Variants in DSCC1 observed in about 807,000 individuals in gnomAD.
The protein encoded by DSCC1 is DNA replication and sister chromatid cohesion 1.
In DSCC1, 32 loss-of-function variants were observed where a neutral mutation model predicts 48.2. The ratio of observed to expected loss-of-function variants is 0.66; its 90% confidence interval spans 0.50 to 0.89. DSCC1 has a LOEUF of 0.89. Among genes scored for constraint, DSCC1 ranks in the 40% least tolerant of loss-of-function variants. DSCC1 has a pLI of 0.00. For synonymous variants in DSCC1, 150 were observed against 171.5 expected (o/e 0.87, Z 0.98); for missense variants, 421 against 471.7 (o/e 0.89, Z 1.00).
intron 7 of DSCC1, among the ~76,000 whole-genome samples, chr8:119,840,900 A>G (rs1826758079): frequency 2.0e-5 from 3 of 151,904 alleles, no homozygotes; most frequent in Admixed American, 2.0e-4. Context: ...TGACAGAATG[A>G]GACTCAGTCT....
Position 119,847,001 on chromosome 8 carries a change from C to T in DSCC1, c.566G>A (p.Cys189Tyr), listed in dbSNP as rs768941541. ...GTAAGTAACGCTACCTCCAATCTTA[C>T]AGGCATTTAGAACTTGTAATTGGGT... ...IMTQLQVLNA[C>Y]KIGGYWRILE... The change falls in exon 4 of 9, where the codon TGT (cysteine) becomes TAT (tyrosine). Residue 189 changes from cysteine (C) to tyrosine (Y), a missense_variant. Physicochemically the swap from Cys to Tyr is radical, Grantham distance 194 (BLOSUM62 -2). Transcript: ENST00000313655. 21 of 1,613,738 alleles carry T rather than the reference C, an allele frequency of 1.3e-5. No individual in the cohort carries two copies. The highest frequency in any genetic ancestry group is 1.7e-5 in the Non-Finnish European group (20 of 1,179,952).
Position 119,838,266 on chromosome 8 carries a change from A to C in DSCC1, c.1066T>G (p.Tyr356Asp). 6.3e-7 allele frequency: 1 copy of C among 1,582,340 alleles called. No homozygotes were observed. Among genetic ancestry groups the C allele is most frequent in the Non-Finnish European group, 8.6e-7 (1 of 1,168,942 alleles). The change falls in exon 8 of 9, where the codon TAT (tyrosine) becomes GAT (aspartate). Residue 356 changes from tyrosine to aspartate, a missense_variant. Around this residue, in one of 3 missense-constraint regions of DSCC1, gnomAD observed 238 missense variants for 259.0 expected, o/e 0.92. Transcript: ENST00000313655. ...CTTTAATAAATTACTTACTGAATAT[A>C]TGGAGCAATATCTTCTTCTGTCCAC... ...EKWTEEDIAPYIQDLCGEKQT... is the reference protein window; with the variant it reads ...EKWTEEDIAPDIQDLCGEKQT...
Position 119,841,979 on chromosome 8 carries a change from TATC to T in DSCC1, c.770-34_770-32del, listed in dbSNP as rs1017086905. On this transcript the variant is annotated intron_variant, in intron 6 of 8. Transcript: ENST00000313655. Reference sequence around the variant, plus strand: ...GAAAAGTTATCAGATATTTTCATATTATCATCTTACAATTAAATATTATACTAA... The same window carrying T: ...GAAAAGTTATCAGATATTTTCATATTATCTTACAATTAAATATTATACTAA... 21 of 1,601,768 alleles carry T rather than the reference TATC, an allele frequency of 1.3e-5. No individual in the cohort carries two copies. The East Asian group carries it at 3.6e-4, about 27-fold the overall frequency.
chr8:119,845,180 G>A (rs1267808685), intron 4 of DSCC1, among the ~76,000 whole-genome samples: 1 of 151,744 alleles, frequency 6.6e-6, no homozygotes, highest in South Asian at 2.1e-4. Context: ...CCACCTCCCG[G>A]GTTCAAATGA....
intron 2 of DSCC1, 134 bp from the exon 3 acceptor site, chr8:119,850,650 G>T: frequency 2.7e-6 from 2 of 737,054 alleles, no homozygotes; most frequent in Non-Finnish European, 2.0e-6. Context: ...TATCAGGAAG[G>T]TATTTATCCA....
At chr8:119,854,731 A>G (rs547625584) in intron 1 of DSCC1, among the ~76,000 whole-genome samples, 3 of 152,222 alleles carry the variant, frequency 2.0e-5, no homozygotes, top group South Asian at 4.1e-4. Context: ...TCCTTTCTCA[A>G]CTCTCCACCA....
Position 119,855,852 on chromosome 8 carries a change from A to C in DSCC1, c.-57T>G. The C allele has an allele frequency of 7.1e-7, 1 of 1,407,252 alleles. No homozygotes were observed. The highest frequency in any genetic ancestry group is 9.3e-7 in the Non-Finnish European group (1 of 1,080,076). 87.2% of individuals were successfully genotyped at this position (1,407,252 alleles called of 1,614,324 possible). ...CCGGGTGGCTGCGGGCTTGGCGGGC[A>C]AGAAAGAAGTTCCCAAGCAGCCGGA... On this transcript the variant is annotated 5_prime_UTR_variant, in exon 1 of 9. Transcript: ENST00000313655.
intron 5 of DSCC1, 73 bp from the exon 6 acceptor site, chr8:119,842,901 C>T (rs1409429650): frequency 1.6e-6 from 2 of 1,244,124 alleles, no homozygotes; most frequent in African/African-American, 3.1e-5. Context: ...CCATTGCCAA[C>T]TCAAAATTAA....
At chr8:119,841,626 C>A (rs1231806771) in intron 7 of DSCC1, among the ~76,000 whole-genome samples, 168 bp downstream of exon 7, 3 of 151,890 alleles carry the variant, frequency 2.0e-5, no homozygotes, top group East Asian at 1.9e-4. Context: ...AAATTATACC[C>A]CAATACTTTA....
chr8:119,835,363 C>T (rs1482801848), intron 8 of DSCC1, among the ~76,000 whole-genome samples: 3 of 151,798 alleles, frequency 2.0e-5, no homozygotes, highest in Admixed American at 6.6e-5. Flanking sequence ...AAAAATTAGC[C>T]GGGTGTGGTG....
rs1826649584 is a variant in DSCC1, at chr8:119,834,746, C to A, written c.*147G>T. 2 of 648,628 alleles carry A rather than the reference C, an allele frequency of 3.1e-6. No individual in the cohort carries two copies. Among genetic ancestry groups the A allele is most frequent in the Non-Finnish European group, 5.5e-6 (2 of 361,936 alleles). 40.2% of individuals were successfully genotyped at this position (648,628 alleles called of 1,614,324 possible). On this transcript the variant is annotated 3_prime_UTR_variant, in exon 9 of 9. Transcript: ENST00000313655. Reference sequence around the variant, plus strand: ...ACATCCTATAACATTTAAGAAATAACAGTAGTTTCAAAATGCTTAAGATGA... The same window carrying A: ...ACATCCTATAACATTTAAGAAATAAAAGTAGTTTCAAAATGCTTAAGATGA...
chr8:119,842,088 T>C, intron 6 of DSCC1, 140 bp from the exon 7 acceptor site: 1 of 995,706 alleles, frequency 1.0e-6, no homozygotes, highest in African/African-American at 1.6e-5. Context: ...GTTCGTTTTT[T>C]TTTGAGACAG....
In DSCC1 at chr8:119,841,916, T is replaced by G; in HGVS notation, c.802A>C (p.Ile268Leu). ...AGCATTCGTGCTGCTGCTCTACATA[T>G]TTTATCAGCATCCAACTCAAAATAA... Reference protein sequence around the residue: ...EVYFELDADKICRAAARMLLQ... With the variant: ...EVYFELDADKLCRAAARMLLQ... The change falls in exon 7 of 9, where the codon ATA becomes CTA. Residue 268 changes from isoleucine (I) to leucine (L), a missense_variant. By Grantham distance (5) the Ile-to-Leu change is conservative. Around this residue, in one of 3 missense-constraint regions of DSCC1, gnomAD observed 238 missense variants for 259.0 expected, o/e 0.92. Transcript: ENST00000313655. The G allele has an allele frequency of 6.2e-7, 1 of 1,614,116 alleles. No homozygotes were observed.
chr8:119,840,740 C>T (rs1207190178), intron 7 of DSCC1, among the ~76,000 whole-genome samples: 7 of 151,704 alleles, frequency 4.6e-5, no homozygotes, highest in African/African-American at 9.7e-5. Flanking sequence ...GGCGAAACCC[C>T]GTCTCTACTA....
At chr8:119,839,127 G>C (rs1336586356) in intron 7 of DSCC1, 1 of 152,136 alleles carries the variant, frequency 6.6e-6, no homozygotes, top group African/African-American at 2.4e-5. Flanking sequence ...CTCGTAACTT[G>C]ATGTTGTAGC....
chr8:119,849,821 G>A (rs1826918828), intron 3 of DSCC1, among the ~76,000 whole-genome samples: 1 of 152,126 alleles, frequency 6.6e-6, no homozygotes, highest in Non-Finnish European at 1.5e-5. Flanking sequence ...GGAAAAAAGG[G>A]AACTTCTAGT....
Position 119,834,949 on chromosome 8 carries a change from G to T in DSCC1, c.1126C>A (p.His376Asn). Residue 376 changes from histidine to asparagine, a missense_variant, in exon 9 of 9, where the codon CAT becomes AAT. This residue lies in a region of DSCC1 where 238 missense variants were observed against 259.0 expected (regional missense o/e 0.92). Coordinates refer to ENST00000313655, the MANE Select transcript of DSCC1 (RefSeq NM_024094.3). ...TTAACACCATTTTGCATCGAAGAAT[G>T]AGAATATTTAGTGAGTAATGCACCT... is the stretch of plus-strand genomic sequence containing the variant. The part of the protein sequence containing the change: ...TIGALLTKYS[H>N]SSMQNGVKVY... 6.2e-7 allele frequency: 1 copy of T among 1,610,446 alleles called. No individual in the cohort carries two copies. Among genetic ancestry groups the T allele is most frequent in the Non-Finnish European group, 8.5e-7 (1 of 1,177,966 alleles).
Position 119,855,894 on chromosome 8 carries a change from C to A in DSCC1, c.-99G>T, listed in dbSNP as rs1372583105. On this transcript the variant is annotated 5_prime_UTR_variant, in exon 1 of 9. Transcript: ENST00000313655. Reference sequence around the variant, plus strand: ...GCAGCCGGAAGGTAGGAAACCTGAGCGTTTGAAAGCGCGCCAAGGCGGCCA... The same window carrying A: ...GCAGCCGGAAGGTAGGAAACCTGAGAGTTTGAAAGCGCGCCAAGGCGGCCA... The A allele has an allele frequency of 2.3e-6, 3 of 1,331,310 alleles. No homozygotes were observed. Among genetic ancestry groups the A allele is most frequent in the Non-Finnish European group, 2.9e-6 (3 of 1,032,712 alleles). 82.5% of individuals were successfully genotyped at this position (1,331,310 alleles called of 1,614,324 possible). A position where few individuals can be genotyped will look rare whatever the true frequency, so the allele number is the denominator to read the frequency against.
At chr8:119,841,773 G>A (rs1563943666) in intron 7 of DSCC1, 21 bp downstream of exon 7, 1 of 1,602,142 alleles carries the variant, frequency 6.2e-7, no homozygotes, top group Admixed American at 1.7e-5. Flanking sequence ...GAAGTAAGGT[G>A]GCAATGTCTA....
Sources: gnomAD v4.1 joint callset for allele counts (sites outside exome capture counted in the v4.1 genomes callset) on GRCh38, gnomAD v4.1.1 for gene constraint, gnomAD v4.1.1 regional missense constraint, MANE v1.5 for transcripts, NCBI Gene and HGNC (gene_info 2026-07-23, HGNC 2026-07-21) for gene names.